NOD2: variants seen among roughly 807,000 people sequenced by gnomAD.
NOD2 encodes the protein nucleotide binding oligomerization domain containing 2.
Under a neutral mutation model 90.9 loss-of-function variants are expected in NOD2, and 86 were observed. The observed-to-expected ratio is 0.95, with a 90% CI of 0.79 to 1.13. The LOEUF (loss-of-function observed/expected upper bound fraction) is 1.13. NOD2 is among the 50% of genes most tolerant of loss of function. The probability of loss-of-function intolerance (pLI) is 0.00; values close to 1 mark genes in which losing one functional copy is unlikely to be tolerated. For synonymous variants in NOD2, 581 were observed against 554.6 expected (o/e 1.05, Z -0.67); for missense variants, 1,238 against 1,283.8 (o/e 0.96, Z 0.55).
rs777343284 is a variant in NOD2 at position 50,711,062 on chromosome 16, T to A, written c.1070T>A (p.Phe357Tyr). Residue 357 changes from phenylalanine to tyrosine, a missense_variant, in exon 4 of 12, where the codon TTC becomes TAC. Transcript: ENST00000647318. ...VLLTFDGFDE[F>Y]KFRFTDRERH... ...TTAACCTTTGATGGCTTTGACGAGT[T>A]CAAGTTCAGGTTCACGGATCGTGAA... 8.1e-6 allele frequency: 13 copies of A among 1,614,012 alleles called. No homozygotes were observed. The Admixed American group carries it at 2.2e-4, about 27-fold the overall frequency.
chr16:50,715,038 G>T (rs1180873074), intron 4 of NOD2, among the ~76,000 whole-genome samples: 2 of 152,142 alleles, frequency 1.3e-5, no homozygotes, highest in African/African-American at 4.8e-5. Context: ...AAAATGATTT[G>T]CATGACCTGC....
chr16:50,729,318 GA>G lies in NOD2; in HGVS notation c.2886-499del, dbSNP rs1965372426. Among the ~76,000 whole-genome samples the G allele has an allele frequency of 3.9e-5, 6 of 152,250 alleles. No homozygotes were observed. In the South Asian group the frequency reaches 1.2e-3, roughly 32 times the overall value. ...GTCTTCCCAGCAAGCAGAGTGTGGGGAGGTAATGGGGGACTGGTGGCTGACT... is the reference window on the plus strand; with the variant it reads ...GTCTTCCCAGCAAGCAGAGTGTGGGGGGTAATGGGGGACTGGTGGCTGACT... On this transcript the variant is annotated intron_variant, in intron 10 of 11. Transcript: ENST00000647318.
At chr16:50,700,373 C>A (rs562836122) in intron 2 of NOD2, among the ~76,000 whole-genome samples, 1 of 152,318 alleles carries the variant, frequency 6.6e-6, no homozygotes, top group South Asian at 2.1e-4. Context: ...ATCCTCCCGC[C>A]TTGGCCTCCC....
At position 50,711,593 on chromosome 16, in the gene NOD2, GC is replaced by G. The variant is rs1567392978; in HGVS notation, c.1602del (p.Cys535AlafsTer201). ...CTGGCTCTGTGGGGCCTGGGCATGTGCTGCTACGTGTTCTCAGCCCAGCAGC... is the reference window on the plus strand; with the variant it reads ...CTGGCTCTGTGGGGCCTGGGCATGTGTGCTACGTGTTCTCAGCCCAGCAGC... ...GRLALWGLGM[C>X]CYVFSAQQLQ... On this transcript the variant is annotated frameshift_variant, in exon 4 of 12. Transcript: ENST00000647318. LOFTEE classifies it high-confidence loss of function. The G allele has an allele frequency of 6.2e-7, 1 of 1,611,500 alleles. No individual in the cohort carries two copies. Among genetic ancestry groups the G allele is most frequent in the Non-Finnish European group, 8.5e-7 (1 of 1,180,016 alleles).
intron 1 of NOD2, 76 bp from the exon 2 acceptor site, chr16:50,699,412 C>A: frequency 1.6e-6 from 2 of 1,284,596 alleles, no homozygotes; most frequent in Non-Finnish European, 2.3e-6. Flanking sequence ...CTGGGGCTGA[C>A]TTGCCCTGGC....
intron 1 of NOD2, among the ~76,000 whole-genome samples, chr16:50,694,455 G>A (rs916805333): frequency 6.6e-6 from 1 of 152,158 alleles, no homozygotes; most frequent in African/African-American, 2.4e-5. Flanking sequence ...GGGCTGCTGG[G>A]GCCCCTGAGT....
chr16:50,706,885 A>T lies in NOD2; in HGVS notation c.460-970A>T, dbSNP rs555960798. 3.9e-4 allele frequency among the ~76,000 whole-genome samples: 59 copies of T among 152,074 alleles called. 1 individual carries two copies. The highest frequency in any genetic ancestry group is 1.4e-3 in the African/African-American group (58 of 41,492). ...CTAATTTTTTGTATTTTTAGTAGTG[A>T]TGGGGTTTCACCATGTTGTCCAGGC... On this transcript the variant is annotated intron_variant, in intron 2 of 11. Transcript: ENST00000647318.
chr16:50,703,620 G>T (rs1304941196), intron 2 of NOD2, among the ~76,000 whole-genome samples: 1 of 149,804 alleles, frequency 6.7e-6, no homozygotes, highest in East Asian at 2.0e-4. Flanking sequence ...GGAGGCAGAG[G>T]TTGCAGTGAG....
At chr16:50,699,459 T>G (rs35701609) in intron 1 of NOD2, 29 bp from the exon 2 acceptor site, 17,264 of 1,598,986 alleles carry the variant, frequency 0.011, 172 homozygotes, top group Non-Finnish European at 0.011. Flanking sequence ...TCTGGAGAAG[T>G]CCCGCACTGA....
chr16:50,710,227 C>A (rs1255741279), intron 3 of NOD2, among the ~76,000 whole-genome samples: 3 of 152,242 alleles, frequency 2.0e-5, no homozygotes, highest in Non-Finnish European at 1.5e-5. Context: ...ATGATAACGG[C>A]AGTCACTGAT....
At chr16:50,717,545 A>C (rs1470917689) in intron 6 of NOD2, among the ~76,000 whole-genome samples, 1 of 152,178 alleles carries the variant, frequency 6.6e-6, no homozygotes, top group Non-Finnish European at 1.5e-5. Flanking sequence ...TCTCTCTCTC[A>C]GATATTCTTG....
Position 50,711,098 on chromosome 16 carries a change from C to G in NOD2, c.1106C>G (p.Ser369Cys). The G allele has an allele frequency of 1.2e-6, 2 of 1,614,192 alleles. No homozygotes were observed. Among genetic ancestry groups the G allele is most frequent in the Middle Eastern group, 1.6e-4 (1 of 6,062 alleles). Reference sequence around the variant, plus strand: ...TTCACGGATCGTGAACGCCACTGCTCCCCGACCGACCCCACCTCTGTCCAG... The same window carrying G: ...TTCACGGATCGTGAACGCCACTGCTGCCCGACCGACCCCACCTCTGTCCAG... The part of the protein sequence containing the change: ...FRFTDRERHC[S>C]PTDPTSVQTL... Residue 369 changes from serine (S) to cysteine (C), a missense_variant, in exon 4 of 12, where the codon TCC becomes TGC. Ser to Cys is a moderately radical substitution (Grantham distance 112). Coordinates refer to ENST00000647318, the MANE Select transcript of NOD2 (RefSeq NM_001370466.1).
intron 9 of NOD2, among the ~76,000 whole-genome samples, chr16:50,724,571 G>A (rs1344206788): frequency 6.6e-6 from 1 of 152,212 alleles, no homozygotes; most frequent in Non-Finnish European, 1.5e-5. Flanking sequence ...TGGGCATGGT[G>A]TGATGAGGCA....
chr16:50,700,431 C>G (rs1820891101), intron 2 of NOD2, among the ~76,000 whole-genome samples: 2 of 152,186 alleles, frequency 1.3e-5, no homozygotes, highest in Non-Finnish European at 2.9e-5. Flanking sequence ...GCCAACAGAA[C>G]ACTTCTGCCG....
chr16:50,725,186 T>C (rs1428051988), intron 9 of NOD2, among the ~76,000 whole-genome samples: 1 of 152,068 alleles, frequency 6.6e-6, no homozygotes, highest in Non-Finnish European at 1.5e-5. Context: ...GGAAATACAG[T>C]TTTTTCACCA....
In NOD2 at chr16:50,707,894, G is replaced by A; in HGVS notation, c.499G>A (p.Gly167Arg). ...LLDLATVKAN[G>R]LAAFLLQHVQ... ...TGATCTTGCCACGGTGAAAGCGAAT[G>A]GATTGGCTGCCTTCCTTCTACAACA... The change falls in exon 3 of 12, where the codon GGA becomes AGA. Residue 167 changes from glycine to arginine, a missense_variant. By Grantham distance (125) the Gly-to-Arg change is moderately radical (BLOSUM62 -2). Coordinates refer to ENST00000647318, the MANE Select transcript of NOD2 (RefSeq NM_001370466.1). 1 of 1,614,172 alleles carries A rather than the reference G, an allele frequency of 6.2e-7. No individual in the cohort carries two copies. Among genetic ancestry groups the A allele is most frequent in the Non-Finnish European group, 8.5e-7 (1 of 1,180,006 alleles).
chr16:50,709,231 C>A (rs1964347427), intron 3 of NOD2, among the ~76,000 whole-genome samples: 1 of 152,200 alleles, frequency 6.6e-6, no homozygotes, highest in Non-Finnish European at 1.5e-5. Context: ...TAATCATCAA[C>A]TCTGGGAACA....
At chr16:50,697,574 C>T (rs1390086222) in intron 1 of NOD2, 4 of 554,638 alleles carry the variant, frequency 7.2e-6, no homozygotes, top group Non-Finnish European at 1.3e-5. Context: ...TTATTCTACC[C>T]TTTTTTGTCC....
rs372288537 is a variant in NOD2, at chr16:50,732,998, G to A, written c.*1179G>A. ...AGGTCACTTTGTTTTACTGTCTTAA[G>A]TTTATACTCTTATAGACAACATGGC... On this transcript the variant is annotated 3_prime_UTR_variant, in exon 12 of 12. Coordinates refer to ENST00000647318, the MANE Select transcript of NOD2 (RefSeq NM_001370466.1). 3 of 152,448 alleles carry A rather than the reference G, an allele frequency of 2.0e-5. No homozygotes were observed. Among genetic ancestry groups the A allele is most frequent in the East Asian group, 1.9e-4 (1 of 5,328 alleles). 9.4% of individuals were successfully genotyped at this position (152,448 alleles called of 1,614,324 possible).
Sources: gnomAD v4.1 joint callset for allele counts (sites outside exome capture counted in the v4.1 genomes callset) on GRCh38, gnomAD v4.1.1 for gene constraint, MANE v1.5 for transcripts, NCBI Gene and HGNC (gene_info 2026-07-23, HGNC 2026-07-21) for gene names.